Variants in ZC3H12B observed in about 807,000 individuals in gnomAD.
ZC3H12B encodes probable ribonuclease ZC3H12B.
ZC3H12B carries 7 observed loss-of-function variants against 43.9 expected under a neutral mutation model. The ratio of observed to expected loss-of-function variants is 0.16; its 90% CI spans 0.09 to 0.30. The LOEUF (loss-of-function observed/expected upper bound fraction) is 0.30. Among genes scored for constraint, ZC3H12B ranks in the 10% least tolerant of loss-of-function variants. The pLI is 1.00. For synonymous variants in ZC3H12B, 222 were observed against 241.7 expected, an observed-to-expected ratio of 0.92 and a Z score of 0.76; for missense variants, 475 against 670.2, an observed-to-expected ratio of 0.71 and a Z score of 3.22.
the ZC3H12B span, among the ~76,000 whole-genome samples, chrX:65,044,073 T>C: frequency 1.1e-3 from 124 of 111,513 alleles, no homozygotes; most frequent in Admixed American, 3.8e-3. Flanking sequence ...AAATAATACG[T>C]AATATATACC....
chrX:65,268,725 A>AT, the ZC3H12B span, among the ~76,000 whole-genome samples: 1 of 111,967 alleles, frequency 8.9e-6, no homozygotes, highest in South Asian at 3.6e-4. Context: ...ACTTTTAACA[A>AT]TTTAGGTATA....
the ZC3H12B span, among the ~76,000 whole-genome samples, chrX:65,132,912 G>A: frequency 8.9e-6 from 1 of 111,763 alleles, no homozygotes; most frequent in Non-Finnish European, 1.9e-5. Context: ...CAGCCGTTAA[G>A]CTGAGAAGAT....
At chrX:65,357,090 C>T in the ZC3H12B span, 1 of 534,728 alleles carries the variant, frequency 1.9e-6, no homozygotes, top group South Asian at 2.4e-5. Context: ...TCACTGCCCA[C>T]CACAAGCTCC....
the ZC3H12B span, among the ~76,000 whole-genome samples, chrX:65,133,571 A>C: frequency 9.9e-5 from 11 of 111,656 alleles, no homozygotes; most frequent in African/African-American, 3.6e-4. Flanking sequence ...CCACATCTTT[A>C]AGAAGAAATT....
the ZC3H12B span, among the ~76,000 whole-genome samples, chrX:65,339,803 T>G: frequency 8.9e-6 from 1 of 111,825 alleles, no homozygotes; most frequent in Non-Finnish European, 1.9e-5. Flanking sequence ...GTGGCCCCCA[T>G]GATCACACAC....
At chrX:65,439,058 G>A (rs1426331467) in intron 3 of ZC3H12B, among the ~76,000 whole-genome samples, 2 of 112,409 alleles carry the variant, frequency 1.8e-5, no homozygotes, top group African/African-American at 6.5e-5. Context: ...AAACAACAGA[G>A]ATTAAAAGCA....
chrX:65,381,032 T>A (rs7877901), intron 2 of ZC3H12B, among the ~76,000 whole-genome samples: 5 of 110,912 alleles, frequency 4.5e-5, no homozygotes, highest in African/African-American at 1.7e-4. Flanking sequence ...ACTGTCAACA[T>A]TGACAGATCA....
At chrX:65,362,791 C>T (rs1318125481), upstream of ZC3H12B, among the ~76,000 whole-genome samples, 1 of 111,110 alleles carries the variant, frequency 9.0e-6, no homozygotes, top group Non-Finnish European at 1.9e-5. Context: ...ACAATTCCCC[C>T]ACTTTACCTT....
At chrX:65,460,073 C>G (rs749249086) in intron 3 of ZC3H12B, among the ~76,000 whole-genome samples, 4 of 111,659 alleles carry the variant, frequency 3.6e-5, no homozygotes, top group Admixed American at 9.5e-5. Flanking sequence ...AACAGACAAA[C>G]AGAGAGCCAA....
the ZC3H12B span, among the ~76,000 whole-genome samples, chrX:65,204,577 A>G: frequency 8.0e-5 from 9 of 111,813 alleles, no homozygotes; most frequent in Non-Finnish European, 1.9e-5. Context: ...TCATATCAGC[A>G]AACTGTGGAT....
At chrX:65,437,201 C>T (rs2067232022) in intron 3 of ZC3H12B, among the ~76,000 whole-genome samples, 1 of 111,236 alleles carries the variant, frequency 9.0e-6, no homozygotes, top group Non-Finnish European at 1.9e-5. Flanking sequence ...ATCCACCGGC[C>T]TCGGCCTCCC....
the ZC3H12B span, among the ~76,000 whole-genome samples, chrX:65,152,527 G>T: frequency 1.3e-4 from 14 of 111,006 alleles, no homozygotes; most frequent in Admixed American, 2.9e-4. Context: ...CAACTTACAA[G>T]GGACGTGAAG....
chrX:65,048,827 C>A, the ZC3H12B span, among the ~76,000 whole-genome samples: 3 of 110,510 alleles, frequency 2.7e-5, no homozygotes, highest in South Asian at 1.1e-3. Context: ...ACACTAGTTA[C>A]TTTCTGGTTT....
chrX:65,309,578 C>T, the ZC3H12B span, among the ~76,000 whole-genome samples: 1 of 111,867 alleles, frequency 8.9e-6, no homozygotes, highest in Non-Finnish European at 1.9e-5. Context: ...CGAAGAGGAG[C>T]TGGTACCATT....
the ZC3H12B span, among the ~76,000 whole-genome samples, chrX:65,035,663 C>T: frequency 1.8e-5 from 2 of 110,883 alleles, no homozygotes; most frequent in Non-Finnish European, 3.8e-5. Flanking sequence ...TTCTCAGGAG[C>T]CCATTCCCCG....
chrX:65,482,921 C>T (rs1033904389), intron 3 of ZC3H12B, among the ~76,000 whole-genome samples: 14 of 111,835 alleles, frequency 1.3e-4, no homozygotes, highest in African/African-American at 4.2e-4. Flanking sequence ...CAGACTCTTA[C>T]TTTTTTGTAA....
chrX:65,057,684 A>G, the ZC3H12B span, among the ~76,000 whole-genome samples: 1 of 111,962 alleles, frequency 8.9e-6, no homozygotes, highest in South Asian at 3.7e-4. Flanking sequence ...GTGTTTTCCA[A>G]CTTGGTTCTA....
At chrX:65,308,922 G>A in the ZC3H12B span, among the ~76,000 whole-genome samples, 1 of 109,922 alleles carries the variant, frequency 9.1e-6, no homozygotes, top group African/African-American at 3.3e-5. Flanking sequence ...CAGAAATAAA[G>A]ATGTTCTTTG....
At chrX:65,308,252 A>T in the ZC3H12B span, among the ~76,000 whole-genome samples, 2 of 110,484 alleles carry the variant, frequency 1.8e-5, no homozygotes, top group South Asian at 7.7e-4. Flanking sequence ...CCATAAAAAT[A>T]TGTGCAGAGA....
Sources: allele counts gnomAD v4.1 joint callset (sites outside exome capture counted in the v4.1 genomes callset), GRCh38; gene constraint gnomAD v4.1.1; transcripts MANE v1.5; gene names NCBI Gene and HGNC (gene_info 2026-07-23, HGNC 2026-07-21).